Variants in RANGAP1 observed in about 807,000 individuals in gnomAD.
RANGAP1 encodes the protein ran GTPase-activating protein 1.
A neutral mutation model predicts 63.5 loss-of-function variants in RANGAP1; 38 were observed. The ratio of observed to expected loss-of-function variants is 0.60; its 90% CI spans 0.46 to 0.78. The LOEUF (loss-of-function observed/expected upper bound fraction) is 0.78. Ranked by LOEUF, RANGAP1 falls within the 30% of genes least tolerant of loss-of-function variation. The probability of loss-of-function intolerance (pLI) is 0.00; values close to 1 mark genes in which losing one functional copy is unlikely to be tolerated. For missense variants in RANGAP1, 630 were observed against 740.3 expected (o/e 0.85, Z 1.73); for synonymous variants, 329 against 310.5 (o/e 1.06, Z -0.63).
At position 41,245,880 on chromosome 22, in the gene RANGAP1, A is replaced by C. The variant is rs1277453876; in HGVS notation, c.*723T>G. On this transcript the variant is annotated 3_prime_UTR_variant, in exon 16 of 16. Transcript: ENST00000356244. The stretch of plus-strand genomic sequence containing the variant: ...CTCCCCCTCCAGCCAGGCCAGTCAC[A>C]GACGACATCTCAGCAGCCAGGAGAA... The C allele has an allele frequency of 3.3e-5, 5 of 152,636 alleles. No individual in the cohort carries two copies. The highest frequency in any genetic ancestry group is 7.3e-5 in the Non-Finnish European group (5 of 68,424). 9.5% of individuals were successfully genotyped at this position (152,636 alleles called of 1,614,324 possible).
At chr22:41,258,685 C>T (rs1012253846) in intron 6 of RANGAP1, among the ~76,000 whole-genome samples, 8 of 151,994 alleles carry the variant, frequency 5.3e-5, no homozygotes, top group African/African-American at 1.7e-4. Flanking sequence ...GACGGAGTCT[C>T]GTTCCGTCGC....
chr22:41,258,909 C>T (rs1250608933), intron 6 of RANGAP1, among the ~76,000 whole-genome samples: 3 of 152,208 alleles, frequency 2.0e-5, no homozygotes, highest in Non-Finnish European at 4.4e-5. Flanking sequence ...GCTTCCTCGG[C>T]CTCTCAAAGT....
chr22:41,248,572 C>T (rs181512803), intron 15 of RANGAP1, among the ~76,000 whole-genome samples: 142 of 152,354 alleles, frequency 9.3e-4, no homozygotes, highest in Non-Finnish European at 1.8e-3. Flanking sequence ...CGGATGGCGC[C>T]GACTGACTGG....
upstream of RANGAP1, among the ~76,000 whole-genome samples, chr22:41,290,342 G>C (rs545275540): frequency 2.7e-4 from 40 of 150,156 alleles, no homozygotes; most frequent in Non-Finnish European, 3.8e-4. Context: ...CGATTCTCCT[G>C]CCTAAGACTC....
intron 2 of RANGAP1, chr22:41,277,644 G>A: frequency 2.1e-6 from 1 of 473,616 alleles, no homozygotes; most frequent in Non-Finnish European, 3.2e-6. Context: ...AGTTGTCCAA[G>A]GTGGGTCCAA....
intron 3 of RANGAP1, 111 bp from the exon 4 acceptor site, chr22:41,268,267 T>G: frequency 3.2e-6 from 3 of 947,132 alleles, no homozygotes; most frequent in Non-Finnish European, 4.9e-6. Context: ...CTTTTTTCTT[T>G]TTTTTGAGAC....
intron 3 of RANGAP1, among the ~76,000 whole-genome samples, chr22:41,274,063 G>C (rs1250918588): frequency 6.6e-6 from 1 of 152,352 alleles, no homozygotes; most frequent in African/African-American, 2.4e-5. Flanking sequence ...GGACGACAGA[G>C]TGAGACTCCG....
At chr22:41,278,206 T>C (rs2035272237) in intron 2 of RANGAP1, among the ~76,000 whole-genome samples, 2 of 152,106 alleles carry the variant, frequency 1.3e-5, no homozygotes, top group African/African-American at 4.8e-5. Flanking sequence ...GCCCGGCTAA[T>C]TTTTGTATTT....
Position 41,257,568 on chromosome 22 carries a change from T to G in RANGAP1, c.774+380A>C, listed in dbSNP as rs2033916066. On this transcript the variant is annotated intron_variant, in intron 7 of 15. Transcript: ENST00000356244. This position sits in a 1 kb window ranked among gnomAD's most constrained non-coding sequence, Gnocchi z 4.0. ...AGTTCAAGACCAGCTTGGGCAACAG[T>G]AAGATTCCGTCTCAAAAAGTGATAA... is the stretch of plus-strand genomic sequence containing the variant. Among the ~76,000 whole-genome samples, 1 of 152,184 alleles carries G rather than the reference T, an allele frequency of 6.6e-6. No homozygotes were observed. The highest frequency in any genetic ancestry group is 1.5e-5 in the Non-Finnish European group (1 of 68,042).
At chr22:41,292,570 C>T in the RANGAP1 span, among the ~76,000 whole-genome samples, 1 of 151,622 alleles carries the variant, frequency 6.6e-6, no homozygotes, top group Non-Finnish European at 1.5e-5. Context: ...ACCCGCCTGA[C>T]CAACATGGTG....
intron 15 of RANGAP1, among the ~76,000 whole-genome samples, chr22:41,248,929 T>C (rs1015287751): frequency 3.3e-5 from 5 of 152,238 alleles, no homozygotes; most frequent in Non-Finnish European, 7.3e-5. Flanking sequence ...GCTGTGAATG[T>C]GGACAAAAAG....
At chr22:41,286,877 C>T (rs994955656), upstream of RANGAP1, among the ~76,000 whole-genome samples, 1 of 152,146 alleles carries the variant, frequency 6.6e-6, no homozygotes, top group Non-Finnish European at 1.5e-5. Flanking sequence ...GAAACCCAAG[C>T]TGAGGGACAT....
rs2033268492 is a variant in RANGAP1, at chr22:41,249,311, A to C, written c.1694+19T>G. The C allele has an allele frequency of 1.3e-6, 2 of 1,573,870 alleles. No homozygotes were observed. Among genetic ancestry groups the C allele is most frequent in the Non-Finnish European group, 8.6e-7 (1 of 1,158,676 alleles). On this transcript the variant is annotated intron_variant, in intron 15 of 15. Coordinates refer to ENST00000356244, the MANE Select transcript of RANGAP1 (RefSeq NM_002883.4). ...GCCCGAGAGGGCAGGCACCGGCAGA[A>C]GGACAAGGCCACACTCACTTGGTCA...
chr22:41,293,486 A>C, the RANGAP1 span, among the ~76,000 whole-genome samples: 3 of 152,048 alleles, frequency 2.0e-5, no homozygotes, highest in African/African-American at 7.2e-5. Flanking sequence ...GAGCATTAAG[A>C]AATAATTTTT....
Position 41,249,417 on chromosome 22 carries a change from T to C in RANGAP1, c.1607A>G (p.Tyr536Cys). 1.2e-6 allele frequency: 2 copies of C among 1,614,160 alleles called. No homozygotes were observed. Among genetic ancestry groups the C allele is most frequent in the Middle Eastern group, 1.6e-4 (1 of 6,062 alleles). ...GTGGTTCAGCGCCATCAGGGGGCCG[T>C]ACAGGTTGGCAATGGCCTTGACCTT... is the stretch of plus-strand genomic sequence containing the variant. ...EDKVKAIANL[Y>C]GPLMALNHMV... The change falls in exon 15 of 16, where the codon TAC becomes TGC. Residue 536 changes from tyrosine (Y) to cysteine (C), a missense_variant. By Grantham distance (194) the Tyr-to-Cys change is radical. Around this residue, in one of 3 missense-constraint regions of RANGAP1, gnomAD observed 428 missense variants for 465.5 expected, o/e 0.92. Transcript: ENST00000356244.
intron 6 of RANGAP1, among the ~76,000 whole-genome samples, chr22:41,259,238 G>A (rs2034022617): frequency 6.6e-6 from 1 of 152,072 alleles, no homozygotes; most frequent in African/African-American, 2.4e-5. Context: ...TGGCTTAACT[G>A]TGCCAAGGAA....
At position 41,257,771 on chromosome 22, in the gene RANGAP1, T is replaced by C. The variant is rs2033928959; in HGVS notation, c.774+177A>G. Reference sequence around the variant, plus strand: ...CTGCCCGAGGAGGGCGTGGGTTACCTTGGGACCTGCAACCCTGTTCAGGAC... The same window carrying C: ...CTGCCCGAGGAGGGCGTGGGTTACCCTGGGACCTGCAACCCTGTTCAGGAC... On this transcript the variant is annotated intron_variant, in intron 7 of 15. Coordinates refer to ENST00000356244, the MANE Select transcript of RANGAP1 (RefSeq NM_002883.4). The surrounding 1 kb of genome is among the most constrained non-coding windows in gnomAD (Gnocchi z 4.0). Among the ~76,000 whole-genome samples, 1 of 152,132 alleles carries C rather than the reference T, an allele frequency of 6.6e-6. No individual in the cohort carries two copies. Among genetic ancestry groups the C allele is most frequent in the African/African-American group, 2.4e-5 (1 of 41,434 alleles).
In RANGAP1 at chr22:41,254,445, C is replaced by T. The variant is rs1293933624; in HGVS notation, c.1123G>A (p.Glu375Lys). The change falls in exon 11 of 16, where the codon GAA becomes AAA. Residue 375 changes from glutamate (E) to lysine (K), a missense_variant. Transcript: ENST00000356244. Reference sequence around the variant, plus strand: ...TCTTCCTCCTCCTCTTCTTCTGCTTCCTCTTCTTCCTCTTCTCCTTCCTCC... The same window carrying T: ...TCTTCCTCCTCCTCTTCTTCTGCTTTCTCTTCTTCCTCTTCTCCTTCCTCC... ...EEEEGEEEEE[E>K]AEEEEEEDEE... 5.6e-6 allele frequency: 9 copies of T among 1,610,356 alleles called. No homozygotes were observed. In the African/African-American group the frequency reaches 1.1e-4, roughly 19 times the overall value.
the RANGAP1 span, among the ~76,000 whole-genome samples, chr22:41,291,253 GAGGAT>G: frequency 6.6e-6 from 1 of 152,176 alleles, no homozygotes; most frequent in Non-Finnish European, 1.5e-5. Flanking sequence ...AATGTTTATG[GAGGAT>G]TTCCCGGTAC....
Sources: allele counts gnomAD v4.1 joint callset (sites outside exome capture counted in the v4.1 genomes callset), GRCh38; gene constraint gnomAD v4.1.1; regional missense constraint gnomAD v4.1.1; non-coding constraint Gnocchi (gnomAD v3.1); transcripts MANE v1.5; gene names NCBI Gene and HGNC (gene_info 2026-07-23, HGNC 2026-07-21).